Variants in NLK observed in about 807,000 individuals in gnomAD.
NLK encodes serine/threonine-protein kinase NLK.
A neutral mutation model predicts 59.0 loss-of-function variants in NLK; 11 were observed. That is an observed-to-expected ratio of 0.19 (90% confidence interval 0.12 to 0.31). The LOEUF (loss-of-function observed/expected upper bound fraction) is 0.31, where lower values mean the gene tolerates loss of function less well. Ranked by LOEUF, NLK falls within the 10% of genes least tolerant of loss-of-function variation. NLK has a pLI of 1.00. For synonymous variants in NLK, 235 were observed against 235.9 expected, an observed-to-expected ratio of 1.00 and a Z score of 0.03; for missense variants, 410 against 661.1, an observed-to-expected ratio of 0.62 and a Z score of 4.16.
intron 1 of NLK, among the ~76,000 whole-genome samples, chr17:28,105,724 A>G (rs1277509767): frequency 6.6e-6 from 1 of 152,204 alleles, no homozygotes; most frequent in Admixed American, 6.5e-5. Context: ...TTGGCCACAG[A>G]AGAAAGCCTT....
rs565686170 is a variant in NLK at position 28,084,823 on chromosome 17, A to G, written c.459-37780A>G. On this transcript the variant is annotated intron_variant, in intron 1 of 10. Transcript: ENST00000407008. ...ATGATCTGCCCGCTTTGGCCTTCCAAAGTGCTGGGATTACAGGCGTGAGCC... is the reference window on the plus strand; with the variant it reads ...ATGATCTGCCCGCTTTGGCCTTCCAGAGTGCTGGGATTACAGGCGTGAGCC... 1.6e-4 allele frequency among the ~76,000 whole-genome samples: 25 copies of G among 152,228 alleles called. No homozygotes were observed. In the East Asian group the frequency reaches 3.5e-3, roughly 21 times the overall value.
At chr17:28,159,263 A>G (rs1274914551) in intron 3 of NLK, among the ~76,000 whole-genome samples, 1 of 152,228 alleles carries the variant, frequency 6.6e-6, no homozygotes, top group African/African-American at 2.4e-5. Flanking sequence ...TTTTACTCTT[A>G]AATGAAATGG....
intron 1 of NLK, among the ~76,000 whole-genome samples, chr17:28,056,140 T>G (rs899783972): frequency 2.6e-5 from 4 of 152,192 alleles, no homozygotes; most frequent in East Asian, 3.8e-4. Flanking sequence ...GTTTGTAGTA[T>G]TATTTAGAGT....
intron 5 of NLK, 77 bp from the exon 6 acceptor site, chr17:28,168,371 T>G (rs1030808223): frequency 9.8e-7 from 1 of 1,019,258 alleles, no homozygotes; most frequent in Non-Finnish European, 1.5e-6. Flanking sequence ...TTCAGTGCCC[T>G]ATCAAAATTT....
chr17:28,147,850 T>G (rs1221654912), intron 3 of NLK, among the ~76,000 whole-genome samples: 1 of 152,212 alleles, frequency 6.6e-6, no homozygotes, highest in Non-Finnish European at 1.5e-5. Flanking sequence ...CCACTAACAA[T>G]TCAGCTGCTG....
intron 1 of NLK, among the ~76,000 whole-genome samples, chr17:28,070,986 AT>A (rs1362263370): frequency 6.6e-6 from 1 of 152,062 alleles, no homozygotes; most frequent in Non-Finnish European, 1.5e-5. Flanking sequence ...TTAGAGCAGG[AT>A]TTTTCCATCT....
At chr17:28,111,888 GT>G (rs1226165342) in intron 1 of NLK, among the ~76,000 whole-genome samples, 44 of 121,242 alleles carry the variant, frequency 3.6e-4, no homozygotes, top group East Asian at 2.0e-3. Flanking sequence ...GTGTGTGTGT[GT>G]GTGTGTGGTG....
chr17:28,200,566 C>T (rs1447908900), downstream of NLK, among the ~76,000 whole-genome samples: 1 of 152,232 alleles, frequency 6.6e-6, no homozygotes, highest in East Asian at 1.9e-4. Context: ...TCACTGCAAC[C>T]TTCGCATCCC....
chr17:28,053,567 A>G (rs150542021), intron 1 of NLK, among the ~76,000 whole-genome samples: 3 of 152,252 alleles, frequency 2.0e-5, no homozygotes, highest in African/African-American at 7.2e-5. Flanking sequence ...AGTAGTATAG[A>G]GCTCAGTAGT....
intron 1 of NLK, among the ~76,000 whole-genome samples, chr17:28,071,089 C>T (rs1031158426): frequency 1.3e-5 from 2 of 152,146 alleles, no homozygotes; most frequent in African/African-American, 4.8e-5. Context: ...CTTGCCTCCA[C>T]CACTAAATGC....
chr17:28,153,076 C>T (rs1392271339), intron 3 of NLK, among the ~76,000 whole-genome samples: 1 of 151,700 alleles, frequency 6.6e-6, no homozygotes, highest in East Asian at 1.9e-4. Flanking sequence ...GAGTTCAATA[C>T]CAGCCTGACC....
chr17:28,111,226 G>A (rs1366072431), intron 1 of NLK, among the ~76,000 whole-genome samples: 1 of 151,736 alleles, frequency 6.6e-6, no homozygotes, highest in African/African-American at 2.4e-5. Context: ...TCGATCTATT[G>A]CCCAGGCTGG....
chr17:28,158,211 A>T (rs544799161), intron 3 of NLK, among the ~76,000 whole-genome samples: 2 of 152,348 alleles, frequency 1.3e-5, no homozygotes, highest in African/African-American at 4.8e-5. Flanking sequence ...ACAACTGTAC[A>T]ACATGTTACC....
At chr17:28,146,689 C>G (rs770613768) in intron 3 of NLK, among the ~76,000 whole-genome samples, 55 of 152,288 alleles carry the variant, frequency 3.6e-4, no homozygotes, top group African/African-American at 1.2e-3. Flanking sequence ...TTTTAAAAAT[C>G]AATTTCCAGG....
intron 7 of NLK, among the ~76,000 whole-genome samples, chr17:28,180,978 G>A (rs1471981403): frequency 3.9e-5 from 6 of 152,166 alleles, no homozygotes; most frequent in East Asian, 3.9e-4. Context: ...CTTAGGCTGG[G>A]CATGGTGGCT....
chr17:28,058,883 T>C (rs1909533282), intron 1 of NLK, among the ~76,000 whole-genome samples: 1 of 152,120 alleles, frequency 6.6e-6, no homozygotes, highest in Admixed American at 6.5e-5. Context: ...CCCAGCACTT[T>C]GGGAGGCCAA....
At chr17:28,108,827 CCTGAGAAT>C (rs773485023) in intron 1 of NLK, among the ~76,000 whole-genome samples, 91 of 152,146 alleles carry the variant, frequency 6.0e-4, no homozygotes, top group Non-Finnish European at 8.5e-4. Flanking sequence ...TCCAGCATTA[CCTGAGAAT>C]CTCTATTCCC....
rs544961299 is a variant in NLK at position 28,189,922 on chromosome 17, T to G, written c.1237-1099T>G. On this transcript the variant is annotated intron_variant, in intron 8 of 10. Transcript: ENST00000407008. ...CCCGCTTTCTTCTGTGATTATCTTA[T>G]CTTGAAAGGTCATGACATGCCTTTT... is the stretch of plus-strand genomic sequence containing the variant. Among the ~76,000 whole-genome samples, 73 of 152,328 alleles carry G rather than the reference T, an allele frequency of 4.8e-4. No homozygotes were observed. The South Asian group carries it at 0.013, about 27-fold the overall frequency.
chr17:28,200,414 AT>A (rs1245047402), downstream of NLK, among the ~76,000 whole-genome samples: 7 of 152,218 alleles, frequency 4.6e-5, no homozygotes, highest in African/African-American at 1.7e-4. Flanking sequence ...CTAGGAATCT[AT>A]ACATGTGTTA....
Sources: gnomAD v4.1 joint callset for allele counts (sites outside exome capture counted in the v4.1 genomes callset) on GRCh38, gnomAD v4.1.1 for gene constraint, MANE v1.5 for transcripts, NCBI Gene and HGNC (gene_info 2026-07-23, HGNC 2026-07-21) for gene names.